The following SGCZ variants were observed in gnomAD, a reference collection of about 807,000 sequenced individuals.
SGCZ encodes zeta-sarcoglycan.
A neutral mutation model predicts 41.3 loss-of-function variants in SGCZ; 40 were observed. The observed-to-expected ratio is 0.97, with a 90% CI of 0.75 to 1.26. The LOEUF is 1.26. Among genes scored for constraint, SGCZ ranks in the 50% most tolerant of loss-of-function variants. The pLI is 0.00. For missense variants in SGCZ, 552 were observed against 369.8 expected (o/e 1.49, Z -4.04); for synonymous variants, 206 against 137.5 (o/e 1.50, Z -3.49).
At chr8:15,085,435 C>G (rs1467543690) in intron 1 of SGCZ, among the ~76,000 whole-genome samples, 1 of 151,992 alleles carries the variant, frequency 6.6e-6, no homozygotes, top group Non-Finnish European at 1.5e-5. Flanking sequence ...ATCAGGAAAA[C>G]AAAACAAAAA....
At chr8:15,218,934 T>C (rs1801503153) in intron 1 of SGCZ, among the ~76,000 whole-genome samples, 1 of 152,172 alleles carries the variant, frequency 6.6e-6, no homozygotes, top group Non-Finnish European at 1.5e-5. Flanking sequence ...AAATGAATCC[T>C]TGTCTATGTG....
chr8:14,661,386 G>C (rs1679519272), intron 1 of SGCZ, among the ~76,000 whole-genome samples: 1 of 152,156 alleles, frequency 6.6e-6, no homozygotes, highest in South Asian at 2.1e-4. Context: ...TAAGGTTACA[G>C]AGTTGTGTAT....
chr8:14,554,991 C>T (rs1803990781), intron 1 of SGCZ, 65 bp from the exon 2 acceptor site: 1 of 1,417,820 alleles, frequency 7.1e-7, no homozygotes, highest in Non-Finnish European at 9.5e-7. Flanking sequence ...AAAAATAAAC[C>T]CATGATTTTT....
intron 1 of SGCZ, among the ~76,000 whole-genome samples, chr8:14,951,053 A>G (rs1800620470): frequency 6.6e-6 from 1 of 152,044 alleles, no homozygotes; most frequent in South Asian, 2.1e-4. Context: ...AGAAAATAAC[A>G]TGAAGGAGCC....
At chr8:14,703,844 T>G (rs1291088467) in intron 1 of SGCZ, among the ~76,000 whole-genome samples, 2 of 152,008 alleles carry the variant, frequency 1.3e-5, no homozygotes, top group African/African-American at 4.8e-5. Flanking sequence ...TGACGACTCA[T>G]GCCAGTTATA....
chr8:14,413,691 T>C (rs1348273803), intron 2 of SGCZ, among the ~76,000 whole-genome samples: 2 of 152,034 alleles, frequency 1.3e-5, no homozygotes, highest in East Asian at 3.9e-4. Context: ...TTTGCCTATT[T>C]CCTTTTTTGA....
rs1801632992 is a variant in SGCZ at position 14,089,890 on chromosome 8, T to G, written c.*553A>C. Reference sequence around the variant, plus strand: ...CAGGGAGAGATTCTGTATTGTTTTGTTTTGTTCTGTTTTGTTAAAAACCAT... The same window carrying G: ...CAGGGAGAGATTCTGTATTGTTTTGGTTTGTTCTGTTTTGTTAAAAACCAT... On this transcript the variant is annotated 3_prime_UTR_variant, in exon 8 of 8. Transcript: ENST00000382080. 1 of 152,452 alleles carries G rather than the reference T, an allele frequency of 6.6e-6. No individual in the cohort carries two copies. Among genetic ancestry groups the G allele is most frequent in the Non-Finnish European group, 1.5e-5 (1 of 67,988 alleles). The allele number at this position is 152,452 out of a possible 1,614,324, so 9.4% of individuals were successfully genotyped here. A position where few individuals can be genotyped will look rare whatever the true frequency, so the allele number is the denominator to read the frequency against.
chr8:15,142,292 T>A (rs1251549996), intron 1 of SGCZ, among the ~76,000 whole-genome samples: 1 of 152,138 alleles, frequency 6.6e-6, no homozygotes, highest in Non-Finnish European at 1.5e-5. Context: ...TTGTTTCTTA[T>A]TGCACTCTGA....
intron 1 of SGCZ, among the ~76,000 whole-genome samples, chr8:14,808,067 T>C (rs546004089): frequency 6.6e-6 from 1 of 152,056 alleles, no homozygotes; most frequent in Non-Finnish European, 1.5e-5. Context: ...TTACACCTTA[T>C]ACAAAAATTA....
chr8:14,485,691 T>C lies in SGCZ; in HGVS notation c.234+69041A>G, dbSNP rs116679515. Among the ~76,000 whole-genome samples the C allele has an allele frequency of 9.6e-3, 1,465 of 152,300 alleles. 24 individuals carry two copies. The highest frequency in any genetic ancestry group is 0.034 in the African/African-American group (1,398 of 41,558). ...GTTCTCACTGTAACAGAAGCTTATA[T>C]CTGAAAGATGTCCAGTAATCTAATT... On this transcript the variant is annotated intron_variant, in intron 2 of 7. Coordinates refer to ENST00000382080, the MANE Select transcript of SGCZ (RefSeq NM_139167.4).
intron 1 of SGCZ, among the ~76,000 whole-genome samples, chr8:14,724,409 G>A (rs1483155380): frequency 2.6e-5 from 4 of 151,694 alleles, no homozygotes; most frequent in African/African-American, 9.7e-5. Flanking sequence ...AGCCTCTACT[G>A]AGCTTTCATG....
chr8:14,584,630 A>G (rs1216416422), intron 1 of SGCZ, among the ~76,000 whole-genome samples: 2 of 152,140 alleles, frequency 1.3e-5, no homozygotes, highest in Non-Finnish European at 2.9e-5. Context: ...TTAAAATAAA[A>G]GAGTTGTGCG....
At chr8:15,197,887 C>T (rs572167943) in intron 1 of SGCZ, among the ~76,000 whole-genome samples, 8 of 150,104 alleles carry the variant, frequency 5.3e-5, no homozygotes, top group South Asian at 2.1e-4. Context: ...TGTATATATA[C>T]ACACACACAC....
chr8:15,116,152 A>G (rs1807260135), intron 1 of SGCZ, among the ~76,000 whole-genome samples: 1 of 152,312 alleles, frequency 6.6e-6, no homozygotes, highest in South Asian at 2.1e-4. Context: ...CTGCTCCACA[A>G]TCCTGAAATG....
intron 1 of SGCZ, among the ~76,000 whole-genome samples, chr8:14,722,586 G>A (rs1467289008): frequency 1.3e-5 from 2 of 151,746 alleles, no homozygotes; most frequent in East Asian, 3.9e-4. Flanking sequence ...GGGAGAAAAA[G>A]GAAAACACAA....
At chr8:14,391,770 T>G (rs1198410371) in intron 2 of SGCZ, among the ~76,000 whole-genome samples, 1 of 152,146 alleles carries the variant, frequency 6.6e-6, no homozygotes, top group East Asian at 1.9e-4. Context: ...GAAAAGCAAT[T>G]TAATTGGCTC....
intron 1 of SGCZ, among the ~76,000 whole-genome samples, chr8:15,207,540 G>T (rs1801106365): frequency 2.6e-5 from 4 of 152,194 alleles, no homozygotes. Context: ...CTGCTCGGTG[G>T]TGCCCACAGG....
intron 1 of SGCZ, among the ~76,000 whole-genome samples, chr8:14,734,990 A>G (rs569032771): frequency 1.4e-3 from 214 of 152,334 alleles, no homozygotes; most frequent in South Asian, 2.5e-3. Context: ...TGGAGTCTCA[A>G]CTTCAAAGTA....
intron 2 of SGCZ, among the ~76,000 whole-genome samples, chr8:14,436,633 A>C (rs1003028412): frequency 7.2e-5 from 11 of 152,202 alleles, no homozygotes; most frequent in African/African-American, 2.4e-4. Flanking sequence ...TACATTCTTC[A>C]CTGTTAGGAT....
Sources: allele counts gnomAD v4.1 joint callset (sites outside exome capture counted in the v4.1 genomes callset), GRCh38; gene constraint gnomAD v4.1.1; transcripts MANE v1.5; gene names NCBI Gene and HGNC (gene_info 2026-07-23, HGNC 2026-07-21).